MGAT5: variants seen among roughly 807,000 people sequenced by gnomAD.
The protein encoded by MGAT5 is alpha-1,6-mannosylglycoprotein 6-beta-N-acetylglucosaminyltransferase, also known as alpha-1,6-mannosylglycoprotein 6-beta-N-acetylglucosaminyltransferase A.
A neutral mutation model predicts 94.3 loss-of-function variants in MGAT5; 30 were observed. The ratio of observed to expected loss-of-function variants is 0.32; its 90% confidence interval spans 0.24 to 0.43. MGAT5 has a LOEUF of 0.43. MGAT5 is among the 20% of genes least tolerant of loss of function. The probability of loss-of-function intolerance (pLI) is 1.00; values close to 1 mark genes in which losing one functional copy is unlikely to be tolerated. For synonymous variants in MGAT5, 310 were observed against 322.9 expected (o/e 0.96, Z 0.43); for missense variants, 691 against 905.5 (o/e 0.76, Z 3.04).
intron 1 of MGAT5, among the ~76,000 whole-genome samples, chr2:134,247,585 A>G (rs1466740105): frequency 6.6e-6 from 1 of 152,190 alleles, no homozygotes; most frequent in Non-Finnish European, 1.5e-5. Context: ...AACATCTTAA[A>G]CAAAACCAAA....
intron 1 of MGAT5, among the ~76,000 whole-genome samples, chr2:134,225,301 G>A (rs1211270081): frequency 1.3e-5 from 2 of 152,064 alleles, no homozygotes; most frequent in East Asian, 3.9e-4. Flanking sequence ...ACACCTGGGA[G>A]CTTGTTAGAA....
intron 1 of MGAT5, among the ~76,000 whole-genome samples, chr2:134,176,677 A>G (rs549412863): frequency 1.3e-5 from 2 of 152,214 alleles, no homozygotes; most frequent in Admixed American, 1.3e-4. Flanking sequence ...CCCTAATTTT[A>G]TTAGATTCAA....
chr2:134,144,677 G>A lies in MGAT5; in HGVS notation c.-143+24386G>A, dbSNP rs117107717. On this transcript the variant is annotated intron_variant, in intron 1 of 16. Coordinates refer to the MGAT5 transcript ENST00000409645. ...TCCCTAAAAAGTAAGGTCTTAAACT[G>A]TACTCATATTTATAAGTTGGCAGTA... Among the ~76,000 whole-genome samples the A allele has an allele frequency of 2.4e-3, 366 of 152,304 alleles. 5 individuals carry two copies. The East Asian group carries it at 0.026, about 11-fold the overall frequency.
At chr2:134,128,837 C>T (rs907739595) in intron 1 of MGAT5, among the ~76,000 whole-genome samples, 1 of 152,190 alleles carries the variant, frequency 6.6e-6, no homozygotes, top group Non-Finnish European at 1.5e-5. Context: ...TCTCAAAATG[C>T]CTTAGTCTCT....
chr2:134,144,288 A>C, intron 1 of MGAT5, among the ~76,000 whole-genome samples: 1 of 152,206 alleles, frequency 6.6e-6, no homozygotes, highest in East Asian at 1.9e-4. Context: ...AGGTACAAGG[A>C]AACTCACCAT....
At chr2:134,286,671 C>T (rs1011403486) in intron 2 of MGAT5, among the ~76,000 whole-genome samples, 3 of 152,130 alleles carry the variant, frequency 2.0e-5, no homozygotes, top group Non-Finnish European at 2.9e-5. Context: ...CTGCCTGCCT[C>T]GCCCTCCCAA....
At chr2:134,244,177 A>C (rs1479935937) in intron 1 of MGAT5, among the ~76,000 whole-genome samples, 16 of 152,146 alleles carry the variant, frequency 1.1e-4, no homozygotes, top group Admixed American at 1.0e-3. Flanking sequence ...TACCTGACAA[A>C]TTGACATGCT....
chr2:134,374,921 A>G (rs1573952805), intron 10 of MGAT5, among the ~76,000 whole-genome samples: 2 of 152,166 alleles, frequency 1.3e-5, no homozygotes, highest in Non-Finnish European at 2.9e-5. Flanking sequence ...TCAGTCTGGG[A>G]GGTCAAGGCT....
At chr2:134,149,689 A>G (rs778152772) in intron 1 of MGAT5, among the ~76,000 whole-genome samples, 6 of 152,284 alleles carry the variant, frequency 3.9e-5, no homozygotes, top group Non-Finnish European at 7.3e-5. Flanking sequence ...GAGAGTTGGT[A>G]TCAGAGCTCC....
chr2:134,382,160 C>T (rs1379539356), intron 10 of MGAT5, among the ~76,000 whole-genome samples: 2 of 151,892 alleles, frequency 1.3e-5, no homozygotes, highest in African/African-American at 2.4e-5. Flanking sequence ...GAGGCCAAAG[C>T]AGGAGGGTCA....
In MGAT5 at chr2:134,169,407, C is replaced by CACAG. The variant is rs750193757; in HGVS notation, c.-143+49119_-143+49120insGACA. 2.4e-5 allele frequency among the ~76,000 whole-genome samples: 3 copies of CACAG among 123,124 alleles called. No homozygotes were observed. In the East Asian group the frequency reaches 7.7e-4, roughly 32 times the overall value. The allele number at this position is 123,124 out of a possible 152,430, so 80.8% of individuals were successfully genotyped here. On this transcript the variant is annotated intron_variant, in intron 1 of 16. Coordinates refer to the MGAT5 transcript ENST00000409645. ...AAAAATACACACACACACACACACA[C>CACAG]ACACAGACACACACACACACACACA... is the stretch of plus-strand genomic sequence containing the variant.
In MGAT5 at chr2:134,147,929, A is replaced by G. The variant is rs145694598; in HGVS notation, c.-143+27638A>G. On this transcript the variant is annotated intron_variant, in intron 1 of 16. Transcript: ENST00000409645. ...ATACCTTGACCTTTGTCATTAATAA[A>G]TCCATATCGCACTACAGTTGTTGCA... 5.2e-3 allele frequency among the ~76,000 whole-genome samples: 790 copies of G among 152,346 alleles called. 2 individuals carry two copies. The highest frequency in any genetic ancestry group is 8.1e-3 in the Non-Finnish European group (549 of 68,032).
chr2:134,337,846 A>G (rs1007778210), intron 5 of MGAT5, among the ~76,000 whole-genome samples: 4 of 148,516 alleles, frequency 2.7e-5, no homozygotes, highest in African/African-American at 4.9e-5. Context: ...GGCAACTTCC[A>G]CGTTGTCAAA....
chr2:134,351,108 T>C (rs1457281082), intron 9 of MGAT5, among the ~76,000 whole-genome samples: 2 of 152,206 alleles, frequency 1.3e-5, no homozygotes, highest in Non-Finnish European at 2.9e-5. Flanking sequence ...CATCCTTAAG[T>C]GTTCTATTAA....
intron 15 of MGAT5, among the ~76,000 whole-genome samples, chr2:134,447,238 G>A (rs575639402): frequency 2.0e-5 from 3 of 152,306 alleles, no homozygotes; most frequent in Admixed American, 1.3e-4. Context: ...GCAGAAAAAT[G>A]AGACTTCCAT....
At chr2:134,403,193 G>C (rs1464682391) in intron 11 of MGAT5, 56 bp downstream of exon 11, 52 of 1,508,830 alleles carry the variant, frequency 3.4e-5, no homozygotes, top group Non-Finnish European at 4.3e-5. Flanking sequence ...TGTGAAAATG[G>C]GATCAGAATA....
intron 9 of MGAT5, among the ~76,000 whole-genome samples, chr2:134,360,851 C>T (rs781275198): frequency 1.1e-4 from 16 of 151,978 alleles, no homozygotes; most frequent in Non-Finnish European, 2.2e-4. Context: ...AATGAAATAA[C>T]AGATTGGCCA....
chr2:134,230,781 G>A (rs1395045708), intron 1 of MGAT5, among the ~76,000 whole-genome samples: 1 of 151,858 alleles, frequency 6.6e-6, no homozygotes, highest in African/African-American at 2.4e-5. Context: ...GTTATCATAT[G>A]ACCCAGTAAT....
Position 134,230,643 on chromosome 2 carries a change from A to G in MGAT5, c.-142-23619A>G, listed in dbSNP as rs544867649. On this transcript the variant is annotated intron_variant, in intron 1 of 16. Coordinates refer to the MGAT5 transcript ENST00000409645. ...TTATTTGTCAATTTAAAAAATTGTT[A>G]AAGAGACAAATAAGTGTTGGCAAGA... 1.8e-4 allele frequency among the ~76,000 whole-genome samples: 28 copies of G among 152,346 alleles called. No individual in the cohort carries two copies. In the South Asian group the frequency reaches 5.8e-3, roughly 32 times the overall value.
Sources: gnomAD v4.1 joint callset for allele counts (sites outside exome capture counted in the v4.1 genomes callset) on GRCh38, gnomAD v4.1.1 for gene constraint, MANE v1.5 for transcripts, NCBI Gene and HGNC (gene_info 2026-07-23, HGNC 2026-07-21) for gene names.